SLC24A4: variants seen among roughly 807,000 people sequenced by gnomAD.
SLC24A4 encodes the protein solute carrier family 24 member 4, also known as sodium/potassium/calcium exchanger 4.
In SLC24A4, 53 loss-of-function variants were observed where a neutral mutation model predicts 79.0. The observed-to-expected ratio is 0.67, with a 90% CI of 0.54 to 0.84. The LOEUF (loss-of-function observed/expected upper bound fraction) is 0.84, where lower values mean the gene tolerates loss of function less well. SLC24A4 is among the 40% of genes least tolerant of loss of function. SLC24A4 has a pLI of 0.00. For missense variants in SLC24A4, 731 were observed against 822.0 expected (o/e 0.89, Z 1.35); for synonymous variants, 323 against 323.8 (o/e 1.00, Z 0.03).
Position 92,495,562 on chromosome 14 carries a change from C to T in SLC24A4, c.*1934C>T, listed in dbSNP as rs1895895155. On this transcript the variant is annotated 3_prime_UTR_variant, in exon 17 of 17. Coordinates refer to ENST00000532405, the MANE Select transcript of SLC24A4 (RefSeq NM_153646.4). The stretch of plus-strand genomic sequence containing the variant: ...TCTGTCACCTTAATAGCCAAGTTCT[C>T]CTGGTTCCTCCGATCTTACAGGCTC... The T allele has an allele frequency of 6.6e-6, 1 of 152,212 alleles. No individual in the cohort carries two copies. Among genetic ancestry groups the T allele is most frequent in the Admixed American group, 6.5e-5 (1 of 15,278 alleles). 9.4% of individuals were successfully genotyped at this position (152,212 alleles called of 1,614,324 possible).
chr14:92,361,062 G>A (rs1287875565), intron 2 of SLC24A4, among the ~76,000 whole-genome samples: 1 of 152,178 alleles, frequency 6.6e-6, no homozygotes, highest in Non-Finnish European at 1.5e-5. Context: ...AGCACCCGGA[G>A]CCTCTGCTTT....
chr14:92,345,129 G>A (rs186111321), intron 2 of SLC24A4, among the ~76,000 whole-genome samples: 72 of 152,268 alleles, frequency 4.7e-4, no homozygotes, highest in African/African-American at 1.7e-3. Flanking sequence ...CCCCCGAGTT[G>A]CAGGATCTTT....
At chr14:92,378,435 A>C (rs995380971) in intron 2 of SLC24A4, among the ~76,000 whole-genome samples, 6 of 152,128 alleles carry the variant, frequency 3.9e-5, no homozygotes, top group Non-Finnish European at 8.8e-5. Flanking sequence ...CCTGACCAAC[A>C]TTTCTGTTGT....
intron 2 of SLC24A4, among the ~76,000 whole-genome samples, chr14:92,378,539 C>T (rs946807058): frequency 6.6e-6 from 1 of 152,180 alleles, no homozygotes; most frequent in Non-Finnish European, 1.5e-5. Context: ...TCTCCACCTC[C>T]GTAATGTGTC....
At chr14:92,364,942 T>G (rs1048304343) in intron 2 of SLC24A4, among the ~76,000 whole-genome samples, 1 of 152,222 alleles carries the variant, frequency 6.6e-6, no homozygotes, top group Non-Finnish European at 1.5e-5. Flanking sequence ...AAAGGTGCCG[T>G]GAGAGCCCCT....
intron 2 of SLC24A4, among the ~76,000 whole-genome samples, chr14:92,334,206 A>G (rs1157175872): frequency 6.6e-6 from 1 of 152,226 alleles, no homozygotes; most frequent in Non-Finnish European, 1.5e-5. Context: ...TACTATGGGC[A>G]GGGAAATCAC....
intron 2 of SLC24A4, among the ~76,000 whole-genome samples, chr14:92,351,036 T>C (rs971696689): frequency 2.0e-5 from 3 of 152,182 alleles, no homozygotes; most frequent in Non-Finnish European, 1.5e-5. Flanking sequence ...TATTGGCAAG[T>C]TGACCTTGGA....
chr14:92,355,424 CAGGT>C (rs1172889949), intron 2 of SLC24A4, among the ~76,000 whole-genome samples: 2 of 152,174 alleles, frequency 1.3e-5, no homozygotes, highest in Non-Finnish European at 2.9e-5. Flanking sequence ...GTCTCACTCT[CAGGT>C]AGACGCCAAG....
chr14:92,366,010 A>G (rs1335155799), intron 2 of SLC24A4, among the ~76,000 whole-genome samples: 1 of 152,234 alleles, frequency 6.6e-6, no homozygotes, highest in East Asian at 1.9e-4. Flanking sequence ...CACGGTTACA[A>G]ATCCTTCATG....
At chr14:92,350,760 G>A (rs554484695) in intron 2 of SLC24A4, among the ~76,000 whole-genome samples, 93 of 152,310 alleles carry the variant, frequency 6.1e-4, no homozygotes, top group Non-Finnish European at 1.2e-3. Flanking sequence ...TTGGAGCTTG[G>A]CCAGATATGC....
intron 2 of SLC24A4, among the ~76,000 whole-genome samples, chr14:92,364,406 T>A (rs535779043): frequency 5.5e-4 from 83 of 151,008 alleles, no homozygotes; most frequent in African/African-American, 1.9e-3. Flanking sequence ...GGAAGGGAGG[T>A]GGGATGACTG....
intron 2 of SLC24A4, among the ~76,000 whole-genome samples, chr14:92,379,564 T>G (rs1888712456): frequency 6.6e-6 from 1 of 151,874 alleles, no homozygotes; most frequent in Admixed American, 6.6e-5. Context: ...TGCCCCCTCC[T>G]CCTCTCTGGC....
intron 2 of SLC24A4, among the ~76,000 whole-genome samples, chr14:92,345,926 A>T (rs1886500994): frequency 6.6e-6 from 1 of 152,210 alleles, no homozygotes. Flanking sequence ...GTCAGGTGAT[A>T]AGTATTGTGA....
chr14:92,445,356 G>C lies in SLC24A4; in HGVS notation c.683+14G>C. 1 of 1,613,038 alleles carries C rather than the reference G, an allele frequency of 6.2e-7. No individual in the cohort carries two copies. The highest frequency in any genetic ancestry group is 8.5e-7 in the Non-Finnish European group (1 of 1,179,064). On this transcript the variant is annotated intron_variant, in intron 8 of 16. Transcript: ENST00000532405. ...ACAAATTGTGTGGTAAGTTTTTCAA[G>C]TGTAGTTTTCATTGTTCTTTTTTGT...
intron 2 of SLC24A4, among the ~76,000 whole-genome samples, chr14:92,400,299 C>T (rs1005289349): frequency 3.6e-4 from 55 of 151,864 alleles, no homozygotes; most frequent in Admixed American, 2.4e-3. Flanking sequence ...ACTAGCTGGG[C>T]ATGGTGGCAT....
intron 9 of SLC24A4, 24 bp from the exon 10 acceptor site, chr14:92,449,050 C>G: frequency 6.2e-7 from 1 of 1,613,284 alleles, no homozygotes; most frequent in Non-Finnish European, 8.5e-7. Flanking sequence ...ATTGCCCTGA[C>G]CTCCTGCCTC....
In SLC24A4 at chr14:92,323,868, G is replaced by A; in HGVS notation, c.38G>A (p.Arg13His). The change falls in exon 1 of 17, where the codon CGC becomes CAC. Residue 13 changes from arginine to histidine, a missense_variant. Transcript: ENST00000532405. The surrounding 1 kb of genome is among the most constrained non-coding windows in gnomAD (Gnocchi z 4.9). Reference sequence around the variant, plus strand: ...GGGACCCTCCGGCCGCTCAAAGTTCGCAGGAGGCGAGAGATGCTGCCGCAG... The same window carrying A: ...GGGACCCTCCGGCCGCTCAAAGTTCACAGGAGGCGAGAGATGCTGCCGCAG... Reference protein sequence around the residue: ...LRGTLRPLKVRRRREMLPQQV... With the variant: ...LRGTLRPLKVHRRREMLPQQV... 6.2e-7 allele frequency: 1 copy of A among 1,601,162 alleles called. No homozygotes were observed.
At chr14:92,324,092 CG>C in intron 1 of SLC24A4, 132 bp downstream of exon 1, 1 of 1,273,592 alleles carries the variant, frequency 7.9e-7, no homozygotes, top group Non-Finnish European at 1.0e-6. Context: ...GTCCCCTCCC[CG>C]CCGGGCAGGT....
At chr14:92,340,306 A>T (rs1299505016) in intron 2 of SLC24A4, among the ~76,000 whole-genome samples, 1 of 152,238 alleles carries the variant, frequency 6.6e-6, no homozygotes, top group East Asian at 1.9e-4. Flanking sequence ...GTAAACTCGT[A>T]ATCACTGCAT....
Sources: allele counts gnomAD v4.1 joint callset (sites outside exome capture counted in the v4.1 genomes callset), GRCh38; gene constraint gnomAD v4.1.1; non-coding constraint Gnocchi (gnomAD v3.1); transcripts MANE v1.5; gene names NCBI Gene and HGNC (gene_info 2026-07-23, HGNC 2026-07-21).